NALCN: variants seen among roughly 807,000 people sequenced by gnomAD.
NALCN encodes the protein sodium leak channel, non-selective, also known as sodium leak channel NALCN.
In NALCN, 111 loss-of-function variants were observed where a neutral mutation model predicts 225.3. The ratio of observed to expected loss-of-function variants is 0.49; its 90% CI spans 0.42 to 0.58. The LOEUF is 0.58. NALCN is among the 20% of genes least tolerant of loss of function. The pLI, the probability that NALCN is intolerant of heterozygous loss-of-function variation, is 0.00. For missense variants in NALCN, 1,378 were observed against 2,202.4 expected (o/e 0.63, Z 7.49); for synonymous variants, 764 against 769.0 (o/e 0.99, Z 0.11).
chr13:101,166,885 A>G (rs187500335), intron 15 of NALCN, among the ~76,000 whole-genome samples: 99 of 152,286 alleles, frequency 6.5e-4, no homozygotes, highest in African/African-American at 2.3e-3. Flanking sequence ...TTTTGAGCTA[A>G]TTTTTATATA....
At chr13:101,257,272 T>A (rs2140212915) in intron 11 of NALCN, among the ~76,000 whole-genome samples, 1 of 149,546 alleles carries the variant, frequency 6.7e-6, no homozygotes, top group East Asian at 2.0e-4. Flanking sequence ...TGGGCAAATG[T>A]TGCATCACAG....
At chr13:101,395,879 G>A (rs1258981860) in intron 2 of NALCN, among the ~76,000 whole-genome samples, 1 of 152,044 alleles carries the variant, frequency 6.6e-6, no homozygotes, top group African/African-American at 2.4e-5. Flanking sequence ...TAGTAGTTAA[G>A]AAATGCTTTT....
At chr13:101,217,094 T>C (rs1489980411) in intron 13 of NALCN, among the ~76,000 whole-genome samples, 1 of 152,202 alleles carries the variant, frequency 6.6e-6, no homozygotes, top group African/African-American at 2.4e-5. Context: ...GGACAGTGAA[T>C]GTTTACTGCA....
intron 15 of NALCN, among the ~76,000 whole-genome samples, chr13:101,151,416 GAAAAC>G (rs2037641782): frequency 6.6e-6 from 1 of 152,112 alleles, no homozygotes; most frequent in African/African-American, 2.4e-5. Flanking sequence ...TTTCCCAAAA[GAAAAC>G]AATTTAAAAA....
chr13:101,295,126 A>C (rs2139063679), intron 7 of NALCN, among the ~76,000 whole-genome samples: 1 of 152,314 alleles, frequency 6.6e-6, no homozygotes, highest in Middle Eastern at 3.4e-3. Context: ...GTTTCTTAAA[A>C]GTTGACTTTT....
intron 6 of NALCN, among the ~76,000 whole-genome samples, chr13:101,372,498 C>T (rs1457664340): frequency 1.3e-5 from 2 of 152,116 alleles, no homozygotes; most frequent in Non-Finnish European, 2.9e-5. Context: ...TTCACAGGGA[C>T]TATTGTCTGA....
chr13:101,056,145 T>C (rs906302917), intron 43 of NALCN, among the ~76,000 whole-genome samples: 2 of 152,072 alleles, frequency 1.3e-5, no homozygotes, highest in African/African-American at 4.8e-5. Context: ...ACTATTTTTC[T>C]TCTCCTCTGC....
intron 7 of NALCN, among the ~76,000 whole-genome samples, chr13:101,334,842 TATAAC>T (rs1185734723): frequency 6.6e-6 from 1 of 151,962 alleles, no homozygotes; most frequent in African/African-American, 2.4e-5. Flanking sequence ...AAAAACATGT[TATAAC>T]ATACCATGAA....
chr13:101,150,532 T>C (rs2037596343), intron 15 of NALCN, among the ~76,000 whole-genome samples: 1 of 152,034 alleles, frequency 6.6e-6, no homozygotes, highest in African/African-American at 2.4e-5. Context: ...AAGAGTAAGA[T>C]GGGAGTAGAC....
chr13:101,267,907 C>T (rs1447511794), intron 10 of NALCN, among the ~76,000 whole-genome samples: 5 of 152,188 alleles, frequency 3.3e-5, no homozygotes, highest in African/African-American at 1.2e-4. Context: ...CTGGTTTCCT[C>T]TTCCTGGCAT....
chr13:101,087,042 T>C (rs998722309), intron 30 of NALCN, among the ~76,000 whole-genome samples: 17 of 152,166 alleles, frequency 1.1e-4, no homozygotes, highest in Admixed American at 6.5e-5. Flanking sequence ...AGATATCATC[T>C]GATCATTAAT....
chr13:101,211,403 C>A (rs967461347), intron 13 of NALCN, among the ~76,000 whole-genome samples: 4 of 151,906 alleles, frequency 2.6e-5, no homozygotes, highest in African/African-American at 4.8e-5. Flanking sequence ...CTGATCATTG[C>A]AGTTCAGTGG....
chr13:101,405,047 T>C (rs575043259), intron 1 of NALCN, among the ~76,000 whole-genome samples: 1 of 152,258 alleles, frequency 6.6e-6, no homozygotes, highest in Non-Finnish European at 1.5e-5. Flanking sequence ...TCAAATGTTT[T>C]TATTTCTTCC....
At chr13:101,105,936 T>G (rs1330454427) in intron 22 of NALCN, among the ~76,000 whole-genome samples, 1 of 152,142 alleles carries the variant, frequency 6.6e-6, no homozygotes, top group African/African-American at 2.4e-5. Flanking sequence ...AATGTTATAA[T>G]AGTGTGTATT....
At chr13:101,094,427 A>C (rs1349588709) in intron 28 of NALCN, among the ~76,000 whole-genome samples, 1 of 152,196 alleles carries the variant, frequency 6.6e-6, no homozygotes, top group South Asian at 2.1e-4. Context: ...TCCTGACTAC[A>C]TTTACTTCCA....
intron 13 of NALCN, among the ~76,000 whole-genome samples, chr13:101,196,550 C>T (rs2039897320): frequency 6.6e-6 from 1 of 152,138 alleles, no homozygotes; most frequent in Admixed American, 6.6e-5. Flanking sequence ...GATATCTCAT[C>T]CCACTCATTA....
chr13:101,199,559 A>G (rs1480587705), intron 13 of NALCN, among the ~76,000 whole-genome samples: 2 of 149,384 alleles, frequency 1.3e-5, no homozygotes, highest in Non-Finnish European at 3.0e-5. Flanking sequence ...ACAAAAAACC[A>G]AACACCGCAT....
At chr13:101,404,253 A>G (rs78838432) in intron 1 of NALCN, among the ~76,000 whole-genome samples, 6,110 of 152,242 alleles carry the variant, frequency 0.04, 228 homozygotes, top group East Asian at 0.12. Flanking sequence ...TGGATTCCCA[A>G]CACGTTTCTG....
At chr13:101,306,639 G>A (rs911870096) in intron 7 of NALCN, among the ~76,000 whole-genome samples, 1 of 152,158 alleles carries the variant, frequency 6.6e-6, no homozygotes. Flanking sequence ...CATCCCAAAC[G>A]TTAGAATATC....
Sources: gnomAD v4.1 joint callset for allele counts (sites outside exome capture counted in the v4.1 genomes callset) on GRCh38, gnomAD v4.1.1 for gene constraint, MANE v1.5 for transcripts, NCBI Gene and HGNC (gene_info 2026-07-23, HGNC 2026-07-21) for gene names.